The following PPP6R2 variants were observed in gnomAD, a reference collection of about 807,000 sequenced individuals.
The protein encoded by PPP6R2 is protein phosphatase 6 regulatory subunit 2.
PPP6R2 carries 62 observed loss-of-function variants against 100.2 expected under a neutral mutation model. The ratio of observed to expected loss-of-function variants is 0.62; its 90% confidence interval spans 0.50 to 0.76. The LOEUF (loss-of-function observed/expected upper bound fraction) is 0.76. PPP6R2 is among the 30% of genes least tolerant of loss of function. The pLI is 0.00. For synonymous variants in PPP6R2, 525 were observed against 514.7 expected (o/e 1.02, Z -0.27); for missense variants, 1,142 against 1,276.3 (o/e 0.89, Z 1.60).
chr22:50,439,980 T>A lies in PPP6R2; in HGVS notation c.2305T>A (p.Cys769Ser), dbSNP rs200173779. 39 of 1,613,576 alleles carry A rather than the reference T, an allele frequency of 2.4e-5. No homozygotes were observed. The Middle Eastern group carries it at 6.6e-4, about 27-fold the overall frequency. The change falls in exon 21 of 24, where the codon TGC becomes AGC. Residue 769 changes from cysteine (C) to serine (S), a missense_variant. Physicochemically the swap from Cys to Ser is moderately radical, Grantham distance 112. Coordinates refer to ENST00000612753, the MANE Select transcript of PPP6R2 (RefSeq NM_001242898.2). ...ATGCAGCTCCGAGTCAGGGCCCAGG[T>A]GCAGCTCTCCGGTGGACACAGAATG... Reference protein sequence around the residue: ...PFCCSESGPRCSSPVDTECSH... With the variant: ...PFCCSESGPRSSSPVDTECSH...
intron 1 of PPP6R2, among the ~76,000 whole-genome samples, chr22:50,353,697 C>G (rs1359826054): frequency 6.6e-6 from 1 of 151,866 alleles, no homozygotes; most frequent in East Asian, 1.9e-4. Flanking sequence ...AAGGGAAGCA[C>G]GTTAGACAAA....
intron 21 of PPP6R2, 104 bp from the exon 22 acceptor site, chr22:50,440,718 G>A (rs1188967176): frequency 7.7e-7 from 1 of 1,299,096 alleles, no homozygotes; most frequent in Non-Finnish European, 1.1e-6. Context: ...CAGGCAACAG[G>A]CTGCATGTGA....
intron 9 of PPP6R2, 103 bp downstream of exon 9, chr22:50,422,483 G>T: frequency 6.8e-7 from 1 of 1,471,208 alleles, no homozygotes. Flanking sequence ...AGCAGAGTGT[G>T]GAGTGAATGT....
intron 21 of PPP6R2, among the ~76,000 whole-genome samples, chr22:50,440,569 C>T (rs753897188): frequency 1.3e-5 from 2 of 152,208 alleles, no homozygotes; most frequent in Non-Finnish European, 2.9e-5. Flanking sequence ...CCTCCCTGAG[C>T]CTCTGCGTCC....
chr22:50,432,172 C>A (rs1375551063), intron 11 of PPP6R2, 93 bp from the exon 12 acceptor site: 5 of 1,214,800 alleles, frequency 4.1e-6, no homozygotes, highest in Non-Finnish European at 5.9e-6. Flanking sequence ...CAGACGTGGC[C>A]GCCAGCCAGC....
chr22:50,387,267 G>A (rs535824038), intron 2 of PPP6R2, among the ~76,000 whole-genome samples: 4 of 152,036 alleles, frequency 2.6e-5, no homozygotes, highest in East Asian at 1.9e-4. Flanking sequence ...GTCTTGCTGT[G>A]TTGCCCAGGC....
intron 2 of PPP6R2, among the ~76,000 whole-genome samples, chr22:50,375,585 T>C (rs912442646): frequency 6.6e-6 from 1 of 152,108 alleles, no homozygotes; most frequent in African/African-American, 2.4e-5. Flanking sequence ...TTCCTTGCCC[T>C]CATCTGGTTG....
In PPP6R2 at chr22:50,423,532, G is replaced by A. The variant is rs760976671; in HGVS notation, c.1043G>A (p.Arg348His). The stretch of plus-strand genomic sequence containing the variant: ...GGGAATGCCCGTCTGCATGGCGCCC[G>A]CCTCATGGCAGCACTGCTGCACACA... Reference protein sequence around the residue: ...PLGNARLHGARLMAALLHTNT... With the variant: ...PLGNARLHGAHLMAALLHTNT... The change falls in exon 10 of 24, where the codon CGC becomes CAC. Residue 348 changes from arginine to histidine, a missense_variant. This residue lies in a region of PPP6R2 where 592 missense variants were observed against 758.9 expected (regional missense o/e 0.78). Transcript: ENST00000612753. This position sits in a 1 kb window ranked among gnomAD's most constrained non-coding sequence, Gnocchi z 4.8. 15 of 1,614,196 alleles carry A rather than the reference G, an allele frequency of 9.3e-6. No homozygotes were observed. Among genetic ancestry groups the A allele is most frequent in the Admixed American group, 1.7e-5 (1 of 60,024 alleles).
chr22:50,440,463 G>A (rs1370846836), intron 21 of PPP6R2, among the ~76,000 whole-genome samples: 3 of 91,416 alleles, frequency 3.3e-5, no homozygotes, highest in Non-Finnish European at 8.4e-5. Flanking sequence ...AGAGCTCCAG[G>A]TGAGTGACAG....
chr22:50,351,028 T>G (rs370850520), intron 1 of PPP6R2, among the ~76,000 whole-genome samples: 7,281 of 63,914 alleles, frequency 0.11, 1,056 homozygotes, highest in African/African-American at 0.27. Flanking sequence ...TCAACAGTGT[T>G]TTTTTTTTTT....
chr22:50,419,988 C>T lies in PPP6R2; in HGVS notation c.845+526C>T, dbSNP rs533318227. 6.6e-5 allele frequency among the ~76,000 whole-genome samples: 10 copies of T among 152,188 alleles called. No individual in the cohort carries two copies. In the South Asian group the frequency reaches 2.1e-3, roughly 32 times the overall value. ...TTTCCCAGGCGACTCTCCTCCATTGCCCTTTCTCATTCATCAGGTGTCATT... is the reference window on the plus strand; with the variant it reads ...TTTCCCAGGCGACTCTCCTCCATTGTCCTTTCTCATTCATCAGGTGTCATT... On this transcript the variant is annotated intron_variant, in intron 8 of 23. Coordinates refer to ENST00000612753, the MANE Select transcript of PPP6R2 (RefSeq NM_001242898.2).
Position 50,436,447 on chromosome 22 carries a change from G to A in PPP6R2, c.1597G>A (p.Asp533Asn). The stretch of plus-strand genomic sequence containing the variant: ...GGAGACGAACCGCAGGAACACTGTG[G>A]ACCTGGTGAGGAGGCTCGGGGCTGC... ...LTETNRRNTV[D>N]LVSTHHLHSS... Residue 533 changes from aspartate to asparagine, a missense_variant, in exon 14 of 24, where the codon GAC becomes AAC. By Grantham distance (23) the Asp-to-Asn change is conservative (BLOSUM62 1). Coordinates refer to ENST00000612753, the MANE Select transcript of PPP6R2 (RefSeq NM_001242898.2). The A allele has an allele frequency of 6.3e-7, 1 of 1,589,186 alleles. No homozygotes were observed.
chr22:50,369,237 T>TA (rs201345413), intron 1 of PPP6R2, among the ~76,000 whole-genome samples: 30,542 of 141,190 alleles, frequency 0.22, 4,420 homozygotes, highest in African/African-American at 0.43. Flanking sequence ...AAATTCCATC[T>TA]AAAAAAAAAA....
Position 50,406,686 on chromosome 22 carries a change from T to C in PPP6R2, c.228-3T>C. On this transcript the variant is annotated splice_polypyrimidine_tract_variant and splice_region_variant and intron_variant, in intron 3 of 23. Coordinates refer to ENST00000612753, the MANE Select transcript of PPP6R2 (RefSeq NM_001242898.2). ...CTCCAGTGCTTGGACTGTGCCCTTT[T>C]AGATATCCAAACACAGCCTGTGAGC... 2 of 1,612,430 alleles carry C rather than the reference T, an allele frequency of 1.2e-6. No individual in the cohort carries two copies. The highest frequency in any genetic ancestry group is 1.7e-4 in the Middle Eastern group (1 of 5,992).
In PPP6R2 at chr22:50,437,065, G is replaced by A. The variant is rs1284673804; in HGVS notation, c.1680G>A (p.Gln560=). The A allele has an allele frequency of 1.3e-6, 2 of 1,558,438 alleles. No individual in the cohort carries two copies. Among genetic ancestry groups the A allele is most frequent in the Non-Finnish European group, 1.7e-6 (2 of 1,151,946 alleles). The change falls in exon 15 of 24, where the codon CAG becomes CAA. Residue 560 remains glutamine, a synonymous_variant. Transcript: ENST00000612753. The part of the protein sequence containing the change: ...EGAFPNELSL[Q]QAFSDYQIQQ... ...CTTTCCCTAACGAGCTGTCCCTTCA[G>A]CAGGTGAGGGCGTGGCCGGCACCTG...
chr22:50,338,099 GTGTGGTA>G, the PPP6R2 span, among the ~76,000 whole-genome samples: 1 of 146,466 alleles, frequency 6.8e-6, no homozygotes, highest in Non-Finnish European at 1.5e-5. Flanking sequence ...TGTGTGTGGT[GTGTGGTA>G]TGTGGTGTGT....
In PPP6R2 at chr22:50,374,885, G is replaced by GCC. The variant is rs2051103915; in HGVS notation, c.-17+2736_-17+2737dup. On this transcript the variant is annotated intron_variant, in intron 2 of 23. Coordinates refer to ENST00000612753, the MANE Select transcript of PPP6R2 (RefSeq NM_001242898.2). ...GCCAAGATCACGCTACTGCGCTCCA[G>GCC]CCTGGGCGAGAGCGAGACTCTGTCT... Among the ~76,000 whole-genome samples the GCC allele has an allele frequency of 3.6e-5, 5 of 137,150 alleles. No individual in the cohort carries two copies. In the South Asian group the frequency reaches 1.2e-3, roughly 32 times the overall value. The allele number at this position is 137,150 out of a possible 152,430, so 90.0% of individuals were successfully genotyped here. A position where few individuals can be genotyped will look rare whatever the true frequency, so the allele number is the denominator to read the frequency against.
At chr22:50,405,342 T>TGCGAAGGCCTGGAGGGAG (rs2058690044) in intron 3 of PPP6R2, among the ~76,000 whole-genome samples, 4 of 51,534 alleles carry the variant, frequency 7.8e-5, no homozygotes, top group Non-Finnish European at 8.2e-5. Flanking sequence ...GGCAGGCGAG[T>TGCGAAGGCCTGGAGGGAG]GTGAAGGCCT....
chr22:50,353,547 T>C (rs935555436), intron 1 of PPP6R2, among the ~76,000 whole-genome samples: 1 of 152,114 alleles, frequency 6.6e-6, no homozygotes, highest in Non-Finnish European at 1.5e-5. Context: ...GTTTGAAATA[T>C]TGTGAGAATT....
Sources: gnomAD v4.1 joint callset for allele counts (sites outside exome capture counted in the v4.1 genomes callset) on GRCh38, gnomAD v4.1.1 for gene constraint, gnomAD v4.1.1 regional missense constraint, Gnocchi (gnomAD v3.1) non-coding constraint, MANE v1.5 for transcripts, NCBI Gene and HGNC (gene_info 2026-07-23, HGNC 2026-07-21) for gene names.